The following ABLIM1 variants were observed in gnomAD, a reference collection of about 807,000 sequenced individuals.
ABLIM1 encodes the protein actin binding LIM protein 1.
In ABLIM1, 40 loss-of-function variants were observed where a neutral mutation model predicts 107.0. The observed-to-expected ratio is 0.37, with a 90% CI of 0.29 to 0.49. The LOEUF is 0.49. Ranked by LOEUF, ABLIM1 falls within the 20% of genes least tolerant of loss-of-function variation. The pLI is 0.97. For missense variants in ABLIM1, 857 were observed against 1,008.5 expected (o/e 0.85, Z 2.04); for synonymous variants, 357 against 357.3 (o/e 1.00, Z 0.01).
the ABLIM1 span, among the ~76,000 whole-genome samples, chr10:114,798,803 AT>A: frequency 0.035 from 5,259 of 148,552 alleles, 118 homozygotes; most frequent in Middle Eastern, 0.05. Context: ...TTTTTAATTA[AT>A]TTTTTTTTTT....
chr10:114,528,286 A>G (rs778976926), intron 6 of ABLIM1, among the ~76,000 whole-genome samples: 9 of 152,282 alleles, frequency 5.9e-5, no homozygotes, highest in Middle Eastern at 3.4e-3. Context: ...GTCATTTTTA[A>G]GAAGACTAGG....
intron 1 of ABLIM1, among the ~76,000 whole-genome samples, chr10:114,699,104 C>A (rs200864425): frequency 0.021 from 2,437 of 114,642 alleles, no homozygotes; most frequent in East Asian, 0.033. Context: ...TTTTGCTTAG[C>A]AAAAAAAAAA....
chr10:114,469,708 G>A (rs2066074389), intron 10 of ABLIM1, among the ~76,000 whole-genome samples: 1 of 152,188 alleles, frequency 6.6e-6, no homozygotes, highest in Non-Finnish European at 1.5e-5. Flanking sequence ...GCTCCATGAG[G>A]GCAAGGACTG....
At chr10:114,439,084 C>A in intron 21 of ABLIM1, 92 bp downstream of exon 21, 1 of 1,496,232 alleles carries the variant, frequency 6.7e-7, no homozygotes, top group Non-Finnish European at 9.3e-7. Flanking sequence ...CACCAGCCTA[C>A]AACACTTTGA....
In ABLIM1 at chr10:114,453,480, T is replaced by C; in HGVS notation, c.1445A>G (p.Asn482Ser). ...GGAGTTCCGGCCGCTGGACGGCTCATTGCCTCCAATGAGAAGAATGGAAAA... is the reference window on the plus strand; with the variant it reads ...GGAGTTCCGGCCGCTGGACGGCTCACTGCCTCCAATGAGAAGAATGGAAAA... Reference protein sequence around the residue: ...RSPQHFHRPGNEPSSGRNSPL... With the variant: ...RSPQHFHRPGSEPSSGRNSPL... The change falls in exon 13 of 23, where the codon AAT becomes AGT. Residue 482 changes from asparagine (N) to serine (S), a missense_variant. Coordinates refer to ENST00000533213, the MANE Select transcript of ABLIM1 (RefSeq NM_002313.7). The C allele has an allele frequency of 1.9e-6, 3 of 1,577,422 alleles. No homozygotes were observed. Among genetic ancestry groups the C allele is most frequent in the Non-Finnish European group, 2.6e-6 (3 of 1,158,684 alleles).
At chr10:114,768,757 C>T (rs1220498427), upstream of ABLIM1, among the ~76,000 whole-genome samples, 1 of 152,118 alleles carries the variant, frequency 6.6e-6, no homozygotes, top group Non-Finnish European at 1.5e-5. Context: ...AGCCAACAGA[C>T]ACTCAAGGGA....
chr10:114,794,220 C>T, the ABLIM1 span, among the ~76,000 whole-genome samples: 24 of 152,194 alleles, frequency 1.6e-4, no homozygotes, highest in African/African-American at 5.3e-4. Flanking sequence ...TCTACTTATT[C>T]GTGTTCGCTA....
chr10:114,545,135 G>C, intron 5 of ABLIM1, 37 bp from the exon 6 acceptor site: 1 of 1,596,680 alleles, frequency 6.3e-7, no homozygotes, highest in Non-Finnish European at 8.6e-7. Context: ...CTGAGGAGGT[G>C]GCCAGGGGCT....
chr10:114,571,487 C>A (rs189601482), intron 3 of ABLIM1, 81 bp from the exon 4 acceptor site: 1 of 1,352,860 alleles, frequency 7.4e-7, no homozygotes, highest in Non-Finnish European at 1.0e-6. Context: ...TGCTGCCCTC[C>A]GGTGCCCATT....
At chr10:114,468,419 C>CAT (rs1174865144) in intron 10 of ABLIM1, among the ~76,000 whole-genome samples, 2 of 53,164 alleles carry the variant, frequency 3.8e-5, no homozygotes, top group African/African-American at 8.7e-5. Context: ...GGACTACAGG[C>CAT]GCCGCCACCA....
chr10:114,737,325 A>T (rs1314212262), intron 1 of ABLIM1, among the ~76,000 whole-genome samples: 2 of 152,188 alleles, frequency 1.3e-5, no homozygotes, highest in Non-Finnish European at 2.9e-5. Flanking sequence ...AACAAAACAA[A>T]AGGAAAAACA....
intron 6 of ABLIM1, among the ~76,000 whole-genome samples, chr10:114,511,716 T>C (rs1020464187): frequency 6.6e-6 from 1 of 150,602 alleles, no homozygotes; most frequent in African/African-American, 2.5e-5. Context: ...TTGTTCCCAG[T>C]GTATATTTTG....
chr10:114,706,761 A>G (rs868804219), intron 1 of ABLIM1, among the ~76,000 whole-genome samples: 1 of 152,256 alleles, frequency 6.6e-6, no homozygotes, highest in Non-Finnish European at 1.5e-5. Flanking sequence ...TGTTTTTGTT[A>G]CATCCCCCAA....
At chr10:114,682,475 A>G (rs1264186966) in intron 1 of ABLIM1, among the ~76,000 whole-genome samples, 1 of 152,220 alleles carries the variant, frequency 6.6e-6, no homozygotes, top group East Asian at 1.9e-4. Flanking sequence ...CTTTCAAAAT[A>G]TCCTTTTGTT....
chr10:114,705,815 T>G (rs547167362), intron 1 of ABLIM1, among the ~76,000 whole-genome samples: 1 of 152,306 alleles, frequency 6.6e-6, no homozygotes, highest in Non-Finnish European at 1.5e-5. Flanking sequence ...AACAAAAAAT[T>G]TGAAATTTGA....
intron 1 of ABLIM1, among the ~76,000 whole-genome samples, chr10:114,708,267 T>C (rs369632932): frequency 2.0e-5 from 3 of 152,212 alleles, no homozygotes; most frequent in African/African-American, 7.2e-5. Context: ...GTAATTATGA[T>C]GGCAACATAG....
chr10:114,654,872 T>C (rs1157100745), intron 1 of ABLIM1, among the ~76,000 whole-genome samples: 1 of 152,222 alleles, frequency 6.6e-6, no homozygotes, highest in African/African-American at 2.4e-5. Flanking sequence ...AATGGGTTTC[T>C]TGGGGCCCTG....
chr10:114,778,495 ACT>A, the ABLIM1 span: 7 of 150,090 alleles, frequency 4.7e-5, no homozygotes, highest in Admixed American at 4.0e-4. Context: ...AATCGTTGTC[ACT>A]GTCTTTCCAA....
chr10:114,583,486 T>C (rs1452531910), intron 2 of ABLIM1, among the ~76,000 whole-genome samples: 25 of 27,130 alleles, frequency 9.2e-4, no homozygotes, highest in South Asian at 5.6e-3. Context: ...TATATATATA[T>C]ATATATATAT....
Sources: allele counts gnomAD v4.1 joint callset (sites outside exome capture counted in the v4.1 genomes callset), GRCh38; gene constraint gnomAD v4.1.1; transcripts MANE v1.5; gene names NCBI Gene and HGNC (gene_info 2026-07-23, HGNC 2026-07-21).